The following CSMD3 variants were observed in gnomAD, a reference collection of about 807,000 sequenced individuals.
The protein encoded by CSMD3 is CUB and Sushi multiple domains 3, also known as CUB and sushi domain-containing protein 3.
In CSMD3, 177 loss-of-function variants were observed where a neutral mutation model predicts 435.2. That is an observed-to-expected ratio of 0.41 (90% CI 0.36 to 0.46). The LOEUF is 0.46. Among genes scored for constraint, CSMD3 ranks in the 20% least tolerant of loss-of-function variants. The pLI is 0.34. For missense variants in CSMD3, 4,265 were observed against 4,504.6 expected, an observed-to-expected ratio of 0.95 and a Z score of 1.52; for synonymous variants, 1,656 against 1,520.5, an observed-to-expected ratio of 1.09 and a Z score of -2.07.
intron 15 of CSMD3, among the ~76,000 whole-genome samples, chr8:112,684,615 A>T (rs1403861063): frequency 6.6e-6 from 1 of 152,118 alleles, no homozygotes; most frequent in African/African-American, 2.4e-5. Flanking sequence ...TCTAAGTGTT[A>T]TTAATCCACT....
At chr8:113,376,271 T>C (rs893055209) in intron 1 of CSMD3, among the ~76,000 whole-genome samples, 1 of 152,196 alleles carries the variant, frequency 6.6e-6, no homozygotes, top group African/African-American at 2.4e-5. Flanking sequence ...TTGATTGATG[T>C]ACAAATTTCT....
At chr8:113,269,543 T>C (rs551108110) in intron 3 of CSMD3, among the ~76,000 whole-genome samples, 3 of 152,126 alleles carry the variant, frequency 2.0e-5, no homozygotes, top group Non-Finnish European at 4.4e-5. Flanking sequence ...GGCATCACAC[T>C]ACCTGACTTC....
chr8:113,072,477 T>TA (rs1480839595), intron 5 of CSMD3, among the ~76,000 whole-genome samples: 1 of 151,706 alleles, frequency 6.6e-6, no homozygotes. Flanking sequence ...ATTTCTTCTA[T>TA]ATCTGTTTTG....
chr8:112,981,960 C>A (rs1409845803), intron 6 of CSMD3, among the ~76,000 whole-genome samples: 1 of 151,720 alleles, frequency 6.6e-6, no homozygotes, highest in Admixed American at 6.6e-5. Context: ...GGATAGACAT[C>A]TCATTTCTTA....
intron 32 of CSMD3, among the ~76,000 whole-genome samples, chr8:112,440,774 C>T (rs1330546437): frequency 1.3e-5 from 2 of 152,212 alleles, no homozygotes; most frequent in African/African-American, 4.8e-5. Flanking sequence ...CCAGGCTATA[C>T]CTTGGGCCCT....
At chr8:112,239,762 T>A (rs1229500343) in intron 66 of CSMD3, among the ~76,000 whole-genome samples, 1 of 152,098 alleles carries the variant, frequency 6.6e-6, no homozygotes, top group Non-Finnish European at 1.5e-5. Context: ...CTCTATGTAG[T>A]TATGCTCACA....
intron 3 of CSMD3, among the ~76,000 whole-genome samples, chr8:113,227,310 T>C (rs1338560491): frequency 6.6e-6 from 1 of 151,618 alleles, no homozygotes; most frequent in Admixed American, 6.6e-5. Flanking sequence ...CTGTCCATTC[T>C]AGGACATGTG....
chr8:112,987,977 A>C (rs2085316397), intron 6 of CSMD3, among the ~76,000 whole-genome samples: 1 of 152,034 alleles, frequency 6.6e-6, no homozygotes. Flanking sequence ...GATGATGTAC[A>C]CATCATCTCT....
intron 4 of CSMD3, among the ~76,000 whole-genome samples, chr8:113,158,182 CAA>C (rs59666468): frequency 1.5e-4 from 19 of 122,656 alleles, no homozygotes; most frequent in East Asian, 2.3e-4. Flanking sequence ...AGTTCCAGAC[CAA>C]AAAAAAAAAA....
rs557279406 is a variant in CSMD3 at position 112,894,485 on chromosome 8, T to C, written c.1633+27142A>G. Among the ~76,000 whole-genome samples, 44 of 151,520 alleles carry C rather than the reference T, an allele frequency of 2.9e-4. 1 individual carries two copies. Among genetic ancestry groups the C allele is most frequent in the African/African-American group, 1.1e-3 (44 of 41,428 alleles). On this transcript the variant is annotated intron_variant, in intron 10 of 70. Transcript: ENST00000297405. The stretch of plus-strand genomic sequence containing the variant: ...CTGATTTATAGTACTCAATATTTCA[T>C]TGCTGGAGATTTGAGACTAAATTCC...
intron 24 of CSMD3, among the ~76,000 whole-genome samples, chr8:112,571,745 T>C (rs2131293384): frequency 6.6e-6 from 1 of 151,874 alleles, no homozygotes; most frequent in South Asian, 2.1e-4. Context: ...GGCGGGTGCC[T>C]GTAATCCCAG....
In CSMD3 at chr8:112,282,025, A is replaced by G. The variant is rs191029844; in HGVS notation, c.9332-675T>C. On this transcript the variant is annotated intron_variant, in intron 58 of 70. Coordinates refer to ENST00000297405, the MANE Select transcript of CSMD3 (RefSeq NM_198123.2). ...ATGTGTTTAACTATTTGTCAACAAT[A>G]TGTTAATTTTTAAACTATCTGACTT... Among the ~76,000 whole-genome samples, 29 of 152,246 alleles carry G rather than the reference A, an allele frequency of 1.9e-4. No individual in the cohort carries two copies. The East Asian group carries it at 4.8e-3, about 25-fold the overall frequency.
intron 4 of CSMD3, among the ~76,000 whole-genome samples, chr8:113,117,644 G>T (rs889108648): frequency 6.6e-6 from 1 of 152,298 alleles, no homozygotes; most frequent in South Asian, 2.1e-4. Flanking sequence ...TGGAAAAGCC[G>T]AAGGCACTCA....
chr8:113,060,741 T>C (rs901152895), intron 5 of CSMD3, among the ~76,000 whole-genome samples: 1 of 152,110 alleles, frequency 6.6e-6, no homozygotes, highest in African/African-American at 2.4e-5. Context: ...TCTCAAAAGA[T>C]ATTGCAGAAG....
At chr8:113,128,045 G>A (rs1033496673) in intron 4 of CSMD3, among the ~76,000 whole-genome samples, 1 of 152,042 alleles carries the variant, frequency 6.6e-6, no homozygotes, top group East Asian at 1.9e-4. Flanking sequence ...CACTAAGAGA[G>A]GTATTTTCTT....
chr8:112,956,092 C>A (rs990090553), intron 7 of CSMD3, among the ~76,000 whole-genome samples: 2 of 151,930 alleles, frequency 1.3e-5, no homozygotes, highest in Non-Finnish European at 2.9e-5. Flanking sequence ...ATCGTTGGAG[C>A]AGGATTTATA....
intron 9 of CSMD3, among the ~76,000 whole-genome samples, chr8:112,935,407 G>A (rs1479237041): frequency 6.6e-6 from 1 of 151,894 alleles, no homozygotes; most frequent in Admixed American, 6.6e-5. Flanking sequence ...GAATTTTAAG[G>A]TTTTTATTTT....
At chr8:113,078,989 T>TA (rs571175228) in intron 5 of CSMD3, among the ~76,000 whole-genome samples, 99 of 152,040 alleles carry the variant, frequency 6.5e-4, no homozygotes, top group Non-Finnish European at 1.3e-3. Context: ...AACACCTGTT[T>TA]AAAAAAAAGA....
At chr8:113,405,679 T>C (rs1042115913) in intron 1 of CSMD3, among the ~76,000 whole-genome samples, 7 of 151,736 alleles carry the variant, frequency 4.6e-5, no homozygotes, top group Non-Finnish European at 1.0e-4. Context: ...ATGATCAATA[T>C]CATGCAGATG....
Sources: gnomAD v4.1 joint callset for allele counts (sites outside exome capture counted in the v4.1 genomes callset) on GRCh38, gnomAD v4.1.1 for gene constraint, MANE v1.5 for transcripts, NCBI Gene and HGNC (gene_info 2026-07-23, HGNC 2026-07-21) for gene names.